Variants in ABL2 observed in about 807,000 individuals in gnomAD.
ABL2 encodes ABL proto-oncogene 2, non-receptor tyrosine kinase, also known as tyrosine-protein kinase ABL2.
In ABL2, 49 loss-of-function variants were observed where a neutral mutation model predicts 107.7. The observed-to-expected ratio is 0.45, with a 90% confidence interval of 0.36 to 0.58. ABL2 has a LOEUF of 0.58. Ranked by LOEUF, ABL2 falls within the 20% of genes least tolerant of loss-of-function variation. The pLI, the probability that ABL2 is intolerant of heterozygous loss-of-function variation, is 0.00. For missense variants in ABL2, 1,245 were observed against 1,457.0 expected (o/e 0.85, Z 2.37); for synonymous variants, 549 against 548.6 (o/e 1.00, Z -0.01).
chr1:179,105,684 C>A lies in ABL2; in HGVS notation c.*2034G>T, dbSNP rs1019036277. On this transcript the variant is annotated 3_prime_UTR_variant, in exon 12 of 12. Coordinates refer to ENST00000502732, the MANE Select transcript of ABL2 (RefSeq NM_007314.4). Reference sequence around the variant, plus strand: ...CGCGTGTCTCCTCTAATCCTCTTAACCTGGGCCTCCTTTGGAGCAGCAATG... The same window carrying A: ...CGCGTGTCTCCTCTAATCCTCTTAAACTGGGCCTCCTTTGGAGCAGCAATG... 4.4e-6 allele frequency: 1 copy of A among 226,606 alleles called. No individual in the cohort carries two copies. The highest frequency in any genetic ancestry group is 5.7e-5 in the Admixed American group (1 of 17,550). 14.0% of individuals were successfully genotyped at this position (226,606 alleles called of 1,614,324 possible). A position where few individuals can be genotyped will look rare whatever the true frequency, so the allele number is the denominator to read the frequency against.
chr1:179,212,982 G>A (rs1662362192), intron 1 of ABL2, among the ~76,000 whole-genome samples: 2 of 148,696 alleles, frequency 1.3e-5, no homozygotes, highest in Non-Finnish European at 3.0e-5. Context: ...GGAGGCGGAG[G>A]TTGCAGTGAG....
intron 1 of ABL2, among the ~76,000 whole-genome samples, chr1:179,174,914 T>A (rs200040188): frequency 0.3 from 33,090 of 109,476 alleles, 5,236 homozygotes; most frequent in East Asian, 0.5. Context: ...AAAAATAAAA[T>A]AAAAAAAATA....
intron 1 of ABL2, among the ~76,000 whole-genome samples, chr1:179,136,876 T>C (rs905786744): frequency 3.4e-5 from 5 of 148,620 alleles, no homozygotes; most frequent in African/African-American, 1.2e-4. Context: ...AGATCGCCGC[T>C]GTGCTCCAGC....
rs564573472 is a variant in ABL2 at position 179,178,721 on chromosome 1, C to A, written c.158-45347G>T. 2.2e-4 allele frequency among the ~76,000 whole-genome samples: 34 copies of A among 152,098 alleles called. No individual in the cohort carries two copies. In the East Asian group the frequency reaches 3.5e-3, roughly 16 times the overall value. On this transcript the variant is annotated intron_variant, in intron 1 of 11. Coordinates refer to ENST00000502732, the MANE Select transcript of ABL2 (RefSeq NM_007314.4). ...TCTGGCCAACATGGTGAAACCCCGCCTCTACTAAAAATACAAAAATTAGCT... is the reference window on the plus strand; with the variant it reads ...TCTGGCCAACATGGTGAAACCCCGCATCTACTAAAAATACAAAAATTAGCT...
chr1:179,108,393 G>C lies in ABL2; in HGVS notation c.2874C>G (p.Phe958Leu). 3 of 1,614,240 alleles carry C rather than the reference G, an allele frequency of 1.9e-6. No homozygotes were observed. The highest frequency in any genetic ancestry group is 2.5e-6 in the Non-Finnish European group (3 of 1,180,038). Residue 958 changes from phenylalanine (F) to leucine (L), a missense_variant, in exon 12 of 12, where the codon TTC becomes TTG. Physicochemically the swap from Phe to Leu is conservative, Grantham distance 22. Coordinates refer to ENST00000502732, the MANE Select transcript of ABL2 (RefSeq NM_007314.4). ...TGACCTGATGCTCAGATAAGAGCTT[G>C]AATTTATTCCCCTGAGAGTCTGTGC... Reference protein sequence around the residue: ...LIGTDSQGNKFKLLSEHQVTS... With the variant: ...LIGTDSQGNKLKLLSEHQVTS...
chr1:179,125,435 A>G (rs1655642017), intron 4 of ABL2, among the ~76,000 whole-genome samples: 1 of 152,174 alleles, frequency 6.6e-6, no homozygotes, highest in Admixed American at 6.5e-5. Context: ...ATTCCTATAC[A>G]TGTCTTCTGG....
chr1:179,111,752 T>C (rs1471937596), intron 10 of ABL2, among the ~76,000 whole-genome samples: 1 of 152,138 alleles, frequency 6.6e-6, no homozygotes, highest in Non-Finnish European at 1.5e-5. Context: ...CATGTCAATA[T>C]ATCCAAGAAG....
At chr1:179,114,792 C>T in intron 9 of ABL2, 86 bp downstream of exon 9, 1 of 1,369,882 alleles carries the variant, frequency 7.3e-7, no homozygotes, top group Non-Finnish European at 9.8e-7. Context: ...TCTAACAACA[C>T]TGAGAGGAGA....
At chr1:179,135,376 C>A (rs1159802180) in intron 1 of ABL2, among the ~76,000 whole-genome samples, 1 of 151,310 alleles carries the variant, frequency 6.6e-6, no homozygotes, top group Non-Finnish European at 1.5e-5. Flanking sequence ...AGCACCTCTG[C>A]CCTGCCACCC....
At chr1:179,195,576 T>C (rs1032639820) in intron 1 of ABL2, among the ~76,000 whole-genome samples, 2 of 152,194 alleles carry the variant, frequency 1.3e-5, no homozygotes, top group Admixed American at 6.5e-5. Flanking sequence ...TATACTTGCA[T>C]GCCCATGTTC....
At chr1:179,162,609 A>T (rs921360829) in intron 1 of ABL2, among the ~76,000 whole-genome samples, 20 of 152,158 alleles carry the variant, frequency 1.3e-4, no homozygotes, top group African/African-American at 1.7e-4. Context: ...AAATAAATTT[A>T]AAAAACCCCA....
At chr1:179,112,796 C>T (rs1052276583) in intron 9 of ABL2, among the ~76,000 whole-genome samples, 8 of 151,830 alleles carry the variant, frequency 5.3e-5, no homozygotes, top group African/African-American at 1.9e-4. Context: ...ACTCTGTCAC[C>T]CAGGCTGGAG....
At chr1:179,119,753 C>A (rs1250336582) in intron 6 of ABL2, among the ~76,000 whole-genome samples, 1 of 152,064 alleles carries the variant, frequency 6.6e-6, no homozygotes, top group African/African-American at 2.4e-5. Context: ...CTTTATTTTG[C>A]AAAAACATTT....
chr1:179,121,926 T>C, intron 4 of ABL2, 59 bp from the exon 5 acceptor site: 7 of 1,375,974 alleles, frequency 5.1e-6, no homozygotes, highest in Non-Finnish European at 6.7e-6. Flanking sequence ...TTTTTTTTTT[T>C]TTTTTTTTTT....
chr1:179,186,440 G>A lies in ABL2; in HGVS notation c.157+42801C>T, dbSNP rs567418633. On this transcript the variant is annotated intron_variant, in intron 1 of 11. Transcript: ENST00000502732. ...CTTGCCCAGGCTAGAGTGCAATGGC[G>A]TGATCTTGGCTCACTGAAATCTCCG... Among the ~76,000 whole-genome samples the A allele has an allele frequency of 2.6e-5, 4 of 152,146 alleles. No homozygotes were observed. In the South Asian group the frequency reaches 8.3e-4, roughly 32 times the overall value.
At chr1:179,224,981 G>A (rs978230292) in intron 1 of ABL2, among the ~76,000 whole-genome samples, 6 of 151,994 alleles carry the variant, frequency 3.9e-5, no homozygotes, top group East Asian at 3.9e-4. Flanking sequence ...ATCTACGATC[G>A]CAGCACTGCA....
Position 179,229,572 on chromosome 1 carries a change from G to C in ABL2, c.-175C>G. 1 of 602,134 alleles carries C rather than the reference G, an allele frequency of 1.7e-6. No individual in the cohort carries two copies. Among genetic ancestry groups the C allele is most frequent in the Non-Finnish European group, 2.6e-6 (1 of 379,346 alleles). 37.3% of individuals were successfully genotyped at this position (602,134 alleles called of 1,614,324 possible). A position where few individuals can be genotyped will look rare whatever the true frequency, so the allele number is the denominator to read the frequency against. ...GCCTCCTCACGGCAGCCGCCGCGCT[G>C]CCTCCAGGCGACTCACAGATTCTGC... On this transcript the variant is annotated 5_prime_UTR_variant, in exon 1 of 12. Coordinates refer to ENST00000502732, the MANE Select transcript of ABL2 (RefSeq NM_007314.4).
At chr1:179,194,016 G>C (rs183657338) in intron 1 of ABL2, among the ~76,000 whole-genome samples, 1 of 152,246 alleles carries the variant, frequency 6.6e-6, no homozygotes, top group East Asian at 1.9e-4. Flanking sequence ...AAGTACTGGA[G>C]TATCCCCTAG....
intron 1 of ABL2, among the ~76,000 whole-genome samples, chr1:179,206,042 G>A (rs1316916395): frequency 1.3e-5 from 2 of 152,046 alleles, no homozygotes; most frequent in Non-Finnish European, 2.9e-5. Flanking sequence ...GAATTACAGG[G>A]ATGTTGAATA....
Sources: allele counts gnomAD v4.1 joint callset (sites outside exome capture counted in the v4.1 genomes callset), GRCh38; gene constraint gnomAD v4.1.1; transcripts MANE v1.5; gene names NCBI Gene and HGNC (gene_info 2026-07-23, HGNC 2026-07-21).